Variants in CHRM3 observed in about 807,000 individuals in gnomAD.
CHRM3 encodes the protein muscarinic acetylcholine receptor M3.
A neutral mutation model predicts 41.8 loss-of-function variants in CHRM3; 11 were observed. The ratio of observed to expected loss-of-function variants is 0.26; its 90% CI spans 0.17 to 0.44. The LOEUF is 0.44. CHRM3 is among the 20% of genes least tolerant of loss of function. CHRM3 has a pLI of 1.00. For missense variants in CHRM3, 571 were observed against 745.4 expected, an observed-to-expected ratio of 0.77 and a Z score of 2.72; for synonymous variants, 297 against 301.4, an observed-to-expected ratio of 0.99 and a Z score of 0.15.
rs557086010 is a variant in CHRM3 at position 239,439,581 on chromosome 1, G to A, written c.-521+52354G>A. ...TTTATTGGATAAATCCTGATAAATT[G>A]TTAGTTTTTCTTGGAATAATGGAGA... On this transcript the variant is annotated intron_variant, in intron 1 of 6. Transcript: ENST00000676153. Among the ~76,000 whole-genome samples the A allele has an allele frequency of 3.3e-5, 5 of 152,274 alleles. No homozygotes were observed. In the South Asian group the frequency reaches 8.3e-4, roughly 25 times the overall value.
At position 239,911,838 on chromosome 1, in the gene CHRM3, G is replaced by T. The variant is rs935092858; in HGVS notation, c.*2614G>T. On this transcript the variant is annotated 3_prime_UTR_variant, in exon 7 of 7. Transcript: ENST00000676153. The stretch of plus-strand genomic sequence containing the variant: ...ATGTCCATTTCTTGGGTCACTTTCA[G>T]AGAAAGAAAACAAGCAAAATAGGTT... 1 of 166,900 alleles carries T rather than the reference G, an allele frequency of 6.0e-6. No homozygotes were observed. The highest frequency in any genetic ancestry group is 1.5e-5 in the Non-Finnish European group (1 of 68,112). The allele number at this position is 166,900 out of a possible 1,614,324, so 10.3% of individuals were successfully genotyped here. A position where few individuals can be genotyped will look rare whatever the true frequency, so the allele number is the denominator to read the frequency against.
intron 6 of CHRM3, among the ~76,000 whole-genome samples, chr1:239,896,968 A>G (rs1364379749): frequency 6.6e-6 from 1 of 152,210 alleles, no homozygotes; most frequent in East Asian, 1.9e-4. Flanking sequence ...ACCATTTTTG[A>G]GAAACTGCTG....
At chr1:239,391,705 CT>C (rs1489771442) in intron 1 of CHRM3, among the ~76,000 whole-genome samples, 1 of 152,226 alleles carries the variant, frequency 6.6e-6, no homozygotes, top group Non-Finnish European at 1.5e-5. Context: ...TTCTGAGCCC[CT>C]GCCAGCTTCT....
At chr1:239,810,543 T>G (rs1458961457) in intron 5 of CHRM3, among the ~76,000 whole-genome samples, 2 of 152,180 alleles carry the variant, frequency 1.3e-5, no homozygotes, top group African/African-American at 4.8e-5. Flanking sequence ...ATGATGTGTT[T>G]AGGATTCAAG....
chr1:239,667,786 A>C (rs569708566), intron 4 of CHRM3, among the ~76,000 whole-genome samples: 6 of 152,116 alleles, frequency 3.9e-5, no homozygotes, highest in South Asian at 4.1e-4. Flanking sequence ...AACTCTACCC[A>C]GCTCTTCAGA....
In CHRM3 at chr1:239,479,190, C is replaced by CCACACACACACA. The variant is rs56202845; in HGVS notation, c.-520-13490_-520-13479dup. ...CAGAGTGAAACTCCATTTCAAAAAA[C>CCACACACACACA]CACACACACACACACACACACACAC... On this transcript the variant is annotated intron_variant, in intron 1 of 6. Coordinates refer to ENST00000676153, the MANE Select transcript of CHRM3 (RefSeq NM_001375978.1). Among the ~76,000 whole-genome samples the CCACACACACACA allele has an allele frequency of 5.2e-3, 727 of 139,972 alleles. 6 individuals carry two copies. The highest frequency in any genetic ancestry group is 0.017 in the African/African-American group (635 of 37,080). The allele number at this position is 139,972 out of a possible 152,430, so 91.8% of individuals were successfully genotyped here.
intron 3 of CHRM3, among the ~76,000 whole-genome samples, chr1:239,563,815 G>GA (rs970609727): frequency 5.9e-5 from 9 of 151,910 alleles, no homozygotes; most frequent in Non-Finnish European, 1.0e-4. Flanking sequence ...ATCCTGCTGG[G>GA]AAAAAAAAGT....
chr1:239,413,194 A>G (rs560184262), intron 1 of CHRM3, among the ~76,000 whole-genome samples: 237 of 152,224 alleles, frequency 1.6e-3, no homozygotes, highest in Non-Finnish European at 2.9e-3. Context: ...TGCTGTTCAC[A>G]CCTTCCACCC....
intron 1 of CHRM3, among the ~76,000 whole-genome samples, chr1:239,424,732 C>T (rs1662234459): frequency 6.6e-6 from 1 of 152,162 alleles, no homozygotes; most frequent in South Asian, 2.1e-4. Flanking sequence ...ACAGACTCCA[C>T]TCAATGGCCT....
chr1:239,662,916 C>CTTCTTCTTCTTCTTCTTCTCCTTCTTG, intron 4 of CHRM3, among the ~76,000 whole-genome samples: 1 of 147,766 alleles, frequency 6.8e-6, no homozygotes, highest in South Asian at 2.2e-4. Context: ...TCTTCTTCTT[C>CTTCTTCTTCTTCTTCTTCTCCTTCTTG]TTCTTCTTCT....
intron 6 of CHRM3, among the ~76,000 whole-genome samples, chr1:239,901,779 A>G (rs967997682): frequency 1.3e-5 from 2 of 151,970 alleles, no homozygotes; most frequent in Admixed American, 1.3e-4. Context: ...GATTTTCCTC[A>G]TTTTTGTCAT....
chr1:239,603,659 A>G (rs1266860597), intron 3 of CHRM3, among the ~76,000 whole-genome samples: 1 of 152,062 alleles, frequency 6.6e-6, no homozygotes, highest in African/African-American at 2.4e-5. Flanking sequence ...TACCAGAGGA[A>G]ATATTAGATA....
intron 1 of CHRM3, among the ~76,000 whole-genome samples, chr1:239,440,791 G>A (rs765025328): frequency 6.6e-6 from 1 of 152,114 alleles, no homozygotes; most frequent in Non-Finnish European, 1.5e-5. Flanking sequence ...TTGTAATAGA[G>A]CTAAAATAGT....
At chr1:239,555,142 G>C (rs996070304) in intron 3 of CHRM3, among the ~76,000 whole-genome samples, 21 of 152,306 alleles carry the variant, frequency 1.4e-4, no homozygotes, top group Non-Finnish European at 2.2e-4. Flanking sequence ...TTGCACTGAA[G>C]AGTGGTTATG....
At chr1:239,525,454 T>G (rs1275582419) in intron 2 of CHRM3, among the ~76,000 whole-genome samples, 1 of 109,356 alleles carries the variant, frequency 9.1e-6, no homozygotes, top group Non-Finnish European at 2.2e-5. Flanking sequence ...TCTTTTTGTT[T>G]CTTTTTTTTA....
chr1:239,566,139 C>T (rs1661344609), intron 3 of CHRM3, among the ~76,000 whole-genome samples: 1 of 151,938 alleles, frequency 6.6e-6, no homozygotes, highest in South Asian at 2.1e-4. Flanking sequence ...GTTTCAAACT[C>T]CTAGGCTTAA....
intron 1 of CHRM3, among the ~76,000 whole-genome samples, chr1:239,410,933 G>T (rs536173378): frequency 2.6e-5 from 4 of 152,206 alleles, no homozygotes; most frequent in African/African-American, 7.2e-5. Context: ...ACTGCTGTGG[G>T]CGTCCTTAAA....
intron 3 of CHRM3, among the ~76,000 whole-genome samples, chr1:239,570,585 A>T (rs1397153244): frequency 3.3e-5 from 5 of 152,170 alleles, no homozygotes; most frequent in Non-Finnish European, 1.5e-5. Context: ...GTGTACTCAA[A>T]TCTATACTAA....
chr1:239,494,571 A>G (rs981121180), intron 2 of CHRM3, among the ~76,000 whole-genome samples: 12 of 152,062 alleles, frequency 7.9e-5, no homozygotes, highest in African/African-American at 2.9e-4. Context: ...GTTCCAGAAT[A>G]CATGTGCAAG....
Sources: allele counts gnomAD v4.1 joint callset (sites outside exome capture counted in the v4.1 genomes callset), GRCh38; gene constraint gnomAD v4.1.1; transcripts MANE v1.5; gene names NCBI Gene and HGNC (gene_info 2026-07-23, HGNC 2026-07-21).